ZFHX3: variants seen among roughly 807,000 people sequenced by gnomAD.
The protein encoded by ZFHX3 is zinc finger homeobox protein 3.
In ZFHX3, 42 loss-of-function variants were observed where a neutral mutation model predicts 279.1. The observed-to-expected ratio is 0.15, with a 90% confidence interval of 0.12 to 0.19. The LOEUF (loss-of-function observed/expected upper bound fraction) is 0.19, where lower values mean the gene tolerates loss of function less well. Ranked by LOEUF, ZFHX3 falls within the 10% of genes least tolerant of loss-of-function variation. The pLI is 1.00. For missense variants in ZFHX3, 4,981 were observed against 4,754.0 expected (o/e 1.05, Z -1.40); for synonymous variants, 2,293 against 1,957.8 (o/e 1.17, Z -4.52).
intron 1 of ZFHX3, among the ~76,000 whole-genome samples, chr16:73,752,324 C>T (rs2053768944): frequency 6.6e-6 from 1 of 152,026 alleles, no homozygotes; most frequent in Non-Finnish European, 1.5e-5. Flanking sequence ...ATTTACTGTC[C>T]CAGTCTTTTG....
At chr16:73,690,743 AT>A (rs2053141142) in intron 1 of ZFHX3, among the ~76,000 whole-genome samples, 1 of 152,238 alleles carries the variant, frequency 6.6e-6, no homozygotes, top group Non-Finnish European at 1.5e-5. Context: ...CTTGATGTGA[AT>A]AAGCCCTGCT....
chr16:73,719,714 A>C (rs1014746250), intron 1 of ZFHX3, among the ~76,000 whole-genome samples: 8 of 150,732 alleles, frequency 5.3e-5, no homozygotes, highest in African/African-American at 1.9e-4. Flanking sequence ...GCTCACTGCA[A>C]CCTCCGCCTC....
At chr16:73,088,394 C>G (rs1170056247) in intron 8 of ZFHX3, among the ~76,000 whole-genome samples, 5 of 152,188 alleles carry the variant, frequency 3.3e-5, no homozygotes, top group African/African-American at 1.2e-4. Context: ...CTCAAGCGAT[C>G]CACATGCCTC....
chr16:72,954,671 T>C (rs1961160881), intron 2 of ZFHX3, among the ~76,000 whole-genome samples: 1 of 152,164 alleles, frequency 6.6e-6, no homozygotes, highest in African/African-American at 2.4e-5. Flanking sequence ...CTTGGTGCTA[T>C]GCTAAACTTC....
At chr16:72,974,003 T>C (rs368961018) in intron 1 of ZFHX3, among the ~76,000 whole-genome samples, 7 of 152,328 alleles carry the variant, frequency 4.6e-5, no homozygotes, top group South Asian at 4.1e-4. Context: ...ATGAGTCTAC[T>C]ATGGTTCCTA....
rs2035247125 is a variant in ZFHX3 at position 72,784,178 on chromosome 16, AGCTCAAGGCATG to A, written c.*2974_*2985del. 1 of 152,558 alleles carries A rather than the reference AGCTCAAGGCATG, an allele frequency of 6.6e-6. No individual in the cohort carries two copies. The highest frequency in any genetic ancestry group is 6.6e-5 in the Admixed American group (1 of 15,264). 9.5% of individuals were successfully genotyped at this position (152,558 alleles called of 1,614,324 possible). ...CACCTTATTGTCGCCAAACACCCAC[AGCTCAAGGCATG>A]GCATAACAAAACACTGACAGTCACT... On this transcript the variant is annotated 3_prime_UTR_variant, in exon 10 of 10. Transcript: ENST00000268489.
intron 2 of ZFHX3, among the ~76,000 whole-genome samples, chr16:73,647,136 T>G (rs2052626427): frequency 6.6e-6 from 1 of 151,756 alleles, no homozygotes; most frequent in Admixed American, 6.6e-5. Context: ...CCTCAGCCTC[T>G]GGAGCAGCTG....
At chr16:73,199,579 G>A (rs1387630783) in intron 5 of ZFHX3, among the ~76,000 whole-genome samples, 2 of 152,122 alleles carry the variant, frequency 1.3e-5, no homozygotes, top group East Asian at 1.9e-4. Flanking sequence ...ATTTTTCAAC[G>A]CCTCTCTGCA....
chr16:73,616,358 G>T (rs2052300870), intron 2 of ZFHX3, among the ~76,000 whole-genome samples: 1 of 146,050 alleles, frequency 6.8e-6, no homozygotes, highest in South Asian at 2.3e-4. Flanking sequence ...TGAAGTCTGT[G>T]TCAATCACAG....
rs1260415983 is a variant in ZFHX3 at position 73,824,426 on chromosome 16, G to C, written c.-1608+67225C>G. ...TTTTTTTTTTTTTATTATACTTTAA[G>C]TTTTAGGGTACATGTGCACATTGTG... On this transcript the variant is annotated intron_variant, in intron 1 of 17. Transcript: ENST00000641206. Among the ~76,000 whole-genome samples the C allele has an allele frequency of 3.7e-5, 4 of 108,394 alleles. No individual in the cohort carries two copies. In the Admixed American group the frequency reaches 3.9e-4, roughly 11 times the overall value. The allele number at this position is 108,394 out of a possible 152,430, so 71.1% of individuals were successfully genotyped here.
At chr16:72,826,024 G>A (rs1278254368) in intron 5 of ZFHX3, among the ~76,000 whole-genome samples, 1 of 152,128 alleles carries the variant, frequency 6.6e-6, no homozygotes, top group Non-Finnish European at 1.5e-5. Context: ...CCTGAAGGCA[G>A]GCCCTATAAT....
intron 1 of ZFHX3, among the ~76,000 whole-genome samples, chr16:73,767,076 C>T (rs1199859139): frequency 1.3e-5 from 2 of 151,868 alleles, no homozygotes; most frequent in Non-Finnish European, 2.9e-5. Context: ...GCTGGGATTA[C>T]AGGTGCCCAT....
intron 1 of ZFHX3, among the ~76,000 whole-genome samples, chr16:73,705,670 C>T (rs2053296237): frequency 6.6e-6 from 1 of 152,142 alleles, no homozygotes; most frequent in South Asian, 2.1e-4. Context: ...AGTTGCCCTG[C>T]CCTGTGCTTT....
At chr16:72,930,264 C>G (rs1959713521) in intron 3 of ZFHX3, among the ~76,000 whole-genome samples, 1 of 152,088 alleles carries the variant, frequency 6.6e-6, no homozygotes, top group African/African-American at 2.4e-5. Flanking sequence ...ACTTCATACT[C>G]TCCTAACAAA....
rs116019104 is a variant in ZFHX3 at position 73,296,650 on chromosome 16, C to A, written c.-1194+21590G>T. ...AAAGATGTATAAATAGAATTCACCC[C>A]CTTGATCTGTTACCTAAGATAGGCA... is the stretch of plus-strand genomic sequence containing the variant. On this transcript the variant is annotated intron_variant, in intron 4 of 17. Coordinates refer to the ZFHX3 transcript ENST00000641206. 1.6e-3 allele frequency among the ~76,000 whole-genome samples: 249 copies of A among 152,180 alleles called. 1 individual carries two copies. Among genetic ancestry groups the A allele is most frequent in the African/African-American group, 5.7e-3 (237 of 41,520 alleles).
intron 1 of ZFHX3, among the ~76,000 whole-genome samples, chr16:73,714,421 T>C (rs2053394565): frequency 1.3e-5 from 2 of 152,132 alleles, no homozygotes; most frequent in Admixed American, 1.3e-4. Context: ...CTTCAGATGC[T>C]TTCTCTACAG....
At chr16:73,425,742 C>T (rs772439181) in intron 3 of ZFHX3, among the ~76,000 whole-genome samples, 3 of 152,100 alleles carry the variant, frequency 2.0e-5, no homozygotes, top group Non-Finnish European at 4.4e-5. Flanking sequence ...GAGATCCTGG[C>T]ACTGTTTATC....
intron 1 of ZFHX3, among the ~76,000 whole-genome samples, chr16:73,053,792 G>A (rs577763434): frequency 2.0e-5 from 3 of 152,170 alleles, no homozygotes; most frequent in Non-Finnish European, 4.4e-5. Flanking sequence ...AGGCAAGGCG[G>A]GGGTAGGGAT....
chr16:72,991,459 A>G (rs1446474596), intron 1 of ZFHX3, among the ~76,000 whole-genome samples: 1 of 152,176 alleles, frequency 6.6e-6, no homozygotes, highest in African/African-American at 2.4e-5. Context: ...AACAGCAGCA[A>G]ATTTGCTACA....
Sources: allele counts gnomAD v4.1 joint callset (sites outside exome capture counted in the v4.1 genomes callset), GRCh38; gene constraint gnomAD v4.1.1; transcripts MANE v1.5; gene names NCBI Gene and HGNC (gene_info 2026-07-23, HGNC 2026-07-21).